NOL4L: variants seen among roughly 807,000 people sequenced by gnomAD.
NOL4L encodes nucleolar protein 4-like.
Under a neutral mutation model 64.5 loss-of-function variants are expected in NOL4L, and 7 were observed. That is an observed-to-expected ratio of 0.11 (90% CI 0.06 to 0.20). The LOEUF is 0.20. Ranked by LOEUF, NOL4L falls within the 10% of genes least tolerant of loss-of-function variation. NOL4L has a pLI of 1.00. For synonymous variants in NOL4L, 413 were observed against 401.0 expected, an observed-to-expected ratio of 1.03 and a Z score of -0.36; for missense variants, 680 against 967.1, an observed-to-expected ratio of 0.70 and a Z score of 3.94.
intron 4 of NOL4L, among the ~76,000 whole-genome samples, chr20:32,485,093 A>AAAAAAAAAAAAAAG (rs2016028497): frequency 8.7e-6 from 1 of 114,528 alleles, no homozygotes; most frequent in South Asian, 3.0e-4. Flanking sequence ...AAAAACAACT[A>AAAAAAAAAAAAAAG]AAAAAAAACC....
intron 1 of NOL4L, among the ~76,000 whole-genome samples, chr20:32,574,517 CCT>C (rs1371614799): frequency 4.6e-5 from 7 of 152,304 alleles, no homozygotes; most frequent in Admixed American, 2.0e-4. Context: ...CGGAAACACC[CCT>C]GAGGGCTGTC....
intron 1 of NOL4L, among the ~76,000 whole-genome samples, chr20:32,547,511 G>A (rs752513817): frequency 1.3e-5 from 2 of 151,964 alleles, no homozygotes; most frequent in Non-Finnish European, 2.9e-5. Flanking sequence ...GGCTGGTCTT[G>A]AACTCCTGGG....
At chr20:32,487,154 G>A in intron 4 of NOL4L, among the ~76,000 whole-genome samples, 1 of 152,078 alleles carries the variant, frequency 6.6e-6, no homozygotes, top group East Asian at 1.9e-4. Context: ...TGTAATCCCA[G>A]CTACTCGGGA....
In NOL4L at chr20:32,488,703, G is replaced by A. The variant is rs117913313; in HGVS notation, c.700-13961C>T. Reference sequence around the variant, plus strand: ...AGATGTTTCTGTGCACTGTGTTTACGGGGCACTTGTATTTCTTTTTCTTTC... The same window carrying A: ...AGATGTTTCTGTGCACTGTGTTTACAGGGCACTTGTATTTCTTTTTCTTTC... On this transcript the variant is annotated intron_variant, in intron 4 of 10. Coordinates refer to ENST00000621426, the MANE Select transcript of NOL4L (RefSeq NM_001256798.2). 3.2e-3 allele frequency among the ~76,000 whole-genome samples: 486 copies of A among 151,978 alleles called. 2 individuals carry two copies. The highest frequency in any genetic ancestry group is 5.5e-3 in the Non-Finnish European group (371 of 67,960).
Position 32,444,293 on chromosome 20 carries a change from C to A in NOL4L, c.*3303G>T, listed in dbSNP as rs1375686935. On this transcript the variant is annotated 3_prime_UTR_variant, in exon 11 of 11. Coordinates refer to ENST00000621426, the MANE Select transcript of NOL4L (RefSeq NM_001256798.2). The stretch of plus-strand genomic sequence containing the variant: ...AATTATATAAAAATCAGACCATGGA[C>A]GGATTGAAACTGGTATTCTGGTGAA... 6.6e-6 allele frequency: 1 copy of A among 152,162 alleles called. No homozygotes were observed. The highest frequency in any genetic ancestry group is 1.9e-4 in the East Asian group (1 of 5,198). 9.4% of individuals were successfully genotyped at this position (152,162 alleles called of 1,614,324 possible). A position where few individuals can be genotyped will look rare whatever the true frequency, so the allele number is the denominator to read the frequency against.
At chr20:32,500,292 C>T (rs1000078981) in intron 4 of NOL4L, among the ~76,000 whole-genome samples, 1 of 151,036 alleles carries the variant, frequency 6.6e-6, no homozygotes, top group Non-Finnish European at 1.5e-5. Context: ...TCAAGAGACC[C>T]TTCTGCCTTG....
Position 32,452,851 on chromosome 20 carries a change from A to T in NOL4L, c.1620+33T>A, listed in dbSNP as rs201640029. On this transcript the variant is annotated intron_variant, in intron 9 of 10. Transcript: ENST00000621426. ...GGCCTGCCCTCCCTGGCTGCCCAGG[A>T]GCGGCCCCTGTAGTGGCTGCGGTGG... The T allele has an allele frequency of 2.2e-4, 347 of 1,611,478 alleles. No individual in the cohort carries two copies. The African/African-American group carries it at 4.1e-3, about 19-fold the overall frequency.
chr20:32,485,424 AAATG>A (rs2016048094), intron 4 of NOL4L: 1 of 211,506 alleles, frequency 4.7e-6, no homozygotes, highest in Non-Finnish European at 9.9e-6. Flanking sequence ...CAGAAAAATA[AAATG>A]ATGACAAGAC....
At chr20:32,534,299 C>T (rs906453814) in intron 1 of NOL4L, among the ~76,000 whole-genome samples, 5 of 152,180 alleles carry the variant, frequency 3.3e-5, no homozygotes, top group South Asian at 2.1e-4. Context: ...TAAAAATCAA[C>T]GAGATTGCTA....
intron 3 of NOL4L, 117 bp downstream of exon 3, chr20:32,520,694 G>T: frequency 1.7e-6 from 1 of 604,440 alleles, no homozygotes; most frequent in Non-Finnish European, 2.9e-6. Context: ...CTGGCCTCTG[G>T]GACTAGCAAC....
At chr20:32,584,190 C>T (rs1980734501) in intron 1 of NOL4L, among the ~76,000 whole-genome samples, 1 of 145,396 alleles carries the variant, frequency 6.9e-6, no homozygotes, top group Non-Finnish European at 1.5e-5. Flanking sequence ...GGCCCGGGGG[C>T]GGGAGCGCGA....
chr20:32,488,813 CTT>C (rs750776472), intron 4 of NOL4L, among the ~76,000 whole-genome samples: 671 of 24,426 alleles, frequency 0.027, 45 homozygotes, highest in South Asian at 0.061. Flanking sequence ...CTTTTTCTTT[CTT>C]TCTTTCTTTC....
intron 1 of NOL4L, among the ~76,000 whole-genome samples, chr20:32,579,718 C>G (rs575495559): frequency 1.3e-5 from 2 of 152,198 alleles, no homozygotes; most frequent in Non-Finnish European, 2.9e-5. Context: ...TCTGCATCAC[C>G]CTGGCACCGA....
chr20:32,488,851 CTTTCTTTCTTTCTT>C (rs1568649173), intron 4 of NOL4L, among the ~76,000 whole-genome samples: 1 of 70,700 alleles, frequency 1.4e-5, no homozygotes, highest in Non-Finnish European at 2.5e-5. Context: ...TTCTTTCTTT[CTTTCTTTCTTTCTT>C]TCTTTCTTTC....
intron 1 of NOL4L, among the ~76,000 whole-genome samples, chr20:32,583,692 G>A (rs1448967361): frequency 6.9e-6 from 1 of 143,944 alleles, no homozygotes; most frequent in East Asian, 2.3e-4. Flanking sequence ...AGGTCCCGGC[G>A]GGGGAGCCGC....
chr20:32,447,541 T>C lies in NOL4L; in HGVS notation c.*55A>G, dbSNP rs533426847. ...CCAACTGGTGAGGCAGGAAGCCAGG[T>C]CCAGGCTGGGACAGCCTCCTTCCCT... On this transcript the variant is annotated 3_prime_UTR_variant, in exon 11 of 11. Coordinates refer to ENST00000621426, the MANE Select transcript of NOL4L (RefSeq NM_001256798.2). 58 of 1,526,182 alleles carry C rather than the reference T, an allele frequency of 3.8e-5. No homozygotes were observed. Among genetic ancestry groups the C allele is most frequent in the Non-Finnish European group, 4.8e-5 (55 of 1,145,390 alleles). 94.5% of individuals were successfully genotyped at this position (1,526,182 alleles called of 1,614,324 possible). A position where few individuals can be genotyped will look rare whatever the true frequency, so the allele number is the denominator to read the frequency against.
chr20:32,482,263 G>C (rs979358187), intron 4 of NOL4L, among the ~76,000 whole-genome samples: 1 of 152,128 alleles, frequency 6.6e-6, no homozygotes, highest in Non-Finnish European at 1.5e-5. Context: ...TTGGGGAGAG[G>C]GGAGGGAGTA....
chr20:32,556,909 A>G (rs1168096824), intron 1 of NOL4L, among the ~76,000 whole-genome samples: 1 of 152,208 alleles, frequency 6.6e-6, no homozygotes, highest in Non-Finnish European at 1.5e-5. Flanking sequence ...CGACGTGACT[A>G]TGCAGGAGGC....
intron 1 of NOL4L, among the ~76,000 whole-genome samples, chr20:32,539,686 T>G (rs1341442391): frequency 2.6e-5 from 4 of 152,224 alleles, no homozygotes; most frequent in Non-Finnish European, 5.9e-5. Flanking sequence ...GTCTCTCTTC[T>G]TAACTGGTGA....
Sources: gnomAD v4.1 joint callset for allele counts (sites outside exome capture counted in the v4.1 genomes callset) on GRCh38, gnomAD v4.1.1 for gene constraint, MANE v1.5 for transcripts, NCBI Gene and HGNC (gene_info 2026-07-23, HGNC 2026-07-21) for gene names.